Variants in DNAH6 observed in about 807,000 individuals in gnomAD.
DNAH6 encodes the protein dynein axonemal heavy chain 6.
Under a neutral mutation model 491.4 loss-of-function variants are expected in DNAH6, and 340 were observed. The ratio of observed to expected loss-of-function variants is 0.69; its 90% CI spans 0.63 to 0.76. The LOEUF (loss-of-function observed/expected upper bound fraction) is 0.76, where lower values mean the gene tolerates loss of function less well. Ranked by LOEUF, DNAH6 falls within the 30% of genes least tolerant of loss-of-function variation. The probability of loss-of-function intolerance (pLI) is 0.00; values close to 1 mark genes in which losing one functional copy is unlikely to be tolerated. For missense variants in DNAH6, 4,443 were observed against 4,972.2 expected (o/e 0.89, Z 3.20); for synonymous variants, 1,603 against 1,686.1 (o/e 0.95, Z 1.21).
intron 46 of DNAH6, among the ~76,000 whole-genome samples, chr2:84,696,945 AC>A (rs1455038666): frequency 1.3e-4 from 20 of 152,164 alleles, no homozygotes; most frequent in Non-Finnish European, 2.9e-5. Flanking sequence ...ATAATCAAAA[AC>A]ATCCAAAATA....
At chr2:84,474,218 T>C in the DNAH6 span, among the ~76,000 whole-genome samples, 7 of 152,180 alleles carry the variant, frequency 4.6e-5, no homozygotes, top group African/African-American at 1.7e-4. Context: ...AGCCCTTAAA[T>C]CTGTTAACGT....
chr2:84,509,312 G>A, the DNAH6 span, among the ~76,000 whole-genome samples: 1 of 152,272 alleles, frequency 6.6e-6, no homozygotes, highest in African/African-American at 2.4e-5. Context: ...TTGTTGAATT[G>A]ATCCCTTTAC....
chr2:84,813,488 G>C (rs896236539), intron 74 of DNAH6, among the ~76,000 whole-genome samples: 4 of 152,174 alleles, frequency 2.6e-5, no homozygotes, highest in African/African-American at 9.7e-5. Flanking sequence ...TTCCCTCTGA[G>C]AAATTCTCTT....
chr2:84,693,139 C>T (rs1354361137), intron 45 of DNAH6, among the ~76,000 whole-genome samples: 1 of 152,102 alleles, frequency 6.6e-6, no homozygotes, highest in East Asian at 1.9e-4. Context: ...TCTTCTCATT[C>T]CTGTAATTTC....
rs1287824741 is a variant in DNAH6, at chr2:84,611,799, A to C, written c.3420A>C (p.Glu1140Asp). Reference sequence around the variant, plus strand: ...TTCAGGTGGATAAGTCATGGAAAGAAATCATGAGAAAGGTGAATCGGCTGC... The same window carrying C: ...TTCAGGTGGATAAGTCATGGAAAGACATCATGAGAAAGGTGAATCGGCTGC... ...MFLQVDKSWK[E>D]IMRKVNRLPN... Residue 1140 changes from glutamate (E) to aspartate (D), a missense_variant, in exon 22 of 77, where the codon GAA becomes GAC. Transcript: ENST00000389394. 6.4e-7 allele frequency: 1 copy of C among 1,551,188 alleles called. No individual in the cohort carries two copies. The highest frequency in any genetic ancestry group is 2.0e-5 in the Admixed American group (1 of 50,976).
chr2:84,797,764 A>G, intron 70 of DNAH6, 106 bp downstream of exon 70: 2 of 1,011,384 alleles, frequency 2.0e-6, no homozygotes, highest in South Asian at 1.7e-5. Flanking sequence ...TCCTAAATAA[A>G]CAAATAAAAT....
At chr2:84,688,063 C>T (rs1168310651) in intron 44 of DNAH6, among the ~76,000 whole-genome samples, 3 of 151,696 alleles carry the variant, frequency 2.0e-5, no homozygotes, top group Non-Finnish European at 4.4e-5. Flanking sequence ...AGTGAAACCC[C>T]GTCTGTACTA....
At chr2:84,796,213 G>C (rs1678329211) in intron 68 of DNAH6, 93 bp from the exon 69 acceptor site, 2 of 771,134 alleles carry the variant, frequency 2.6e-6, no homozygotes, top group Non-Finnish European at 3.9e-6. Context: ...CCAAATAAAT[G>C]TGTGTATAAA....
At chr2:84,465,507 A>G in the DNAH6 span, among the ~76,000 whole-genome samples, 1 of 151,540 alleles carries the variant, frequency 6.6e-6, no homozygotes, top group African/African-American at 2.4e-5. Context: ...AACAAAAAGA[A>G]AAAAAAAAGA....
chr2:84,711,500 T>C (rs1238303738), intron 56 of DNAH6, among the ~76,000 whole-genome samples: 2 of 152,214 alleles, frequency 1.3e-5, no homozygotes, highest in African/African-American at 4.8e-5. Context: ...TGACTAGGAA[T>C]TGTAATTAAT....
intron 11 of DNAH6, among the ~76,000 whole-genome samples, chr2:84,562,574 A>G (rs1671110366): frequency 6.6e-6 from 1 of 152,138 alleles, no homozygotes; most frequent in African/African-American, 2.4e-5. Flanking sequence ...TTGCTAAGAG[A>G]CCTCGCAGGA....
chr2:84,595,827 A>C (rs1684525330), intron 18 of DNAH6, 38 bp downstream of exon 18: 2 of 1,511,328 alleles, frequency 1.3e-6, no homozygotes, highest in South Asian at 2.7e-5. Context: ...ACTGTAGGCC[A>C]GTTGGTTATT....
intron 4 of DNAH6, 124 bp downstream of exon 4, chr2:84,529,290 T>C (rs1399843770): frequency 1.3e-6 from 1 of 777,896 alleles, no homozygotes; most frequent in African/African-American, 1.8e-5. Flanking sequence ...CATTCAATGA[T>C]AAATGAATCC....
intron 38 of DNAH6, 68 bp downstream of exon 38, chr2:84,669,578 G>A: frequency 7.8e-7 from 1 of 1,287,728 alleles, no homozygotes; most frequent in Non-Finnish European, 1.1e-6. Context: ...AGAATCGTTA[G>A]CACCAGAAGT....
the DNAH6 span, among the ~76,000 whole-genome samples, chr2:84,461,101 T>G: frequency 6.6e-6 from 1 of 152,224 alleles, no homozygotes; most frequent in East Asian, 1.9e-4. Context: ...CCCCAGCACC[T>G]AAACCCATGT....
intron 59 of DNAH6, among the ~76,000 whole-genome samples, chr2:84,721,321 A>G (rs150733835): frequency 1.3e-3 from 200 of 152,078 alleles, no homozygotes; most frequent in African/African-American, 4.7e-3. Context: ...GGGGTTTCCT[A>G]CTCAACTCTG....
At chr2:84,590,326 T>C (rs1683988071) in intron 16 of DNAH6, among the ~76,000 whole-genome samples, 1 of 151,686 alleles carries the variant, frequency 6.6e-6, no homozygotes, top group Admixed American at 6.6e-5. Flanking sequence ...AAACCCCATC[T>C]CTACTAAAAA....
At chr2:84,654,923 T>A (rs1690797271) in intron 35 of DNAH6, 141 bp downstream of exon 35, 1 of 916,278 alleles carries the variant, frequency 1.1e-6, no homozygotes. Context: ...CCCTGTGAAT[T>A]CCTGGAATCG....
chr2:84,800,633 T>A (rs1483499414), intron 70 of DNAH6, among the ~76,000 whole-genome samples: 1 of 152,034 alleles, frequency 6.6e-6, no homozygotes, highest in Non-Finnish European at 1.5e-5. Flanking sequence ...AACAACAGAT[T>A]AGACCAAGCA....
Sources: allele counts gnomAD v4.1 joint callset (sites outside exome capture counted in the v4.1 genomes callset), GRCh38; gene constraint gnomAD v4.1.1; transcripts MANE v1.5; gene names NCBI Gene and HGNC (gene_info 2026-07-23, HGNC 2026-07-21).